Variants in TMC1 observed in about 807,000 individuals in gnomAD.
TMC1 encodes transmembrane channel like 1.
TMC1 carries 84 observed loss-of-function variants against 105.8 expected under a neutral mutation model. That is an observed-to-expected ratio of 0.79 (90% CI 0.67 to 0.95). The LOEUF (loss-of-function observed/expected upper bound fraction) is 0.95. Among genes scored for constraint, TMC1 ranks in the 40% least tolerant of loss-of-function variants. The probability of loss-of-function intolerance (pLI) is 0.00; values close to 1 mark genes in which losing one functional copy is unlikely to be tolerated. For missense variants in TMC1, 817 were observed against 914.1 expected (o/e 0.89, Z 1.37); for synonymous variants, 315 against 311.5 (o/e 1.01, Z -0.12).
intron 21 of TMC1, among the ~76,000 whole-genome samples, chr9:72,829,600 C>T (rs766262564): frequency 2.0e-5 from 3 of 152,158 alleles, no homozygotes; most frequent in Non-Finnish European, 2.9e-5. Context: ...ACTCCCATCA[C>T]TCATGTAAGA....
chr9:72,622,868 T>C (rs956962263), intron 3 of TMC1, among the ~76,000 whole-genome samples: 1 of 151,922 alleles, frequency 6.6e-6, no homozygotes, highest in African/African-American at 2.4e-5. Context: ...CTGGCCAATG[T>C]GGTGAAACCC....
At chr9:72,608,163 G>GA (rs1257653975) in intron 2 of TMC1, among the ~76,000 whole-genome samples, 5 of 151,968 alleles carry the variant, frequency 3.3e-5, no homozygotes. Context: ...AAGAAGCACA[G>GA]AAAAAAGAGA....
At chr9:72,556,966 C>T (rs1458679418) in intron 1 of TMC1, among the ~76,000 whole-genome samples, 3 of 152,256 alleles carry the variant, frequency 2.0e-5, no homozygotes, top group Middle Eastern at 3.4e-3. Flanking sequence ...GCATCTAATA[C>T]GTAGAGGCCA....
chr9:72,824,704 T>C (rs1247668891), intron 20 of TMC1, among the ~76,000 whole-genome samples: 1 of 152,150 alleles, frequency 6.6e-6, no homozygotes, highest in Non-Finnish European at 1.5e-5. Context: ...AGTGAAGGTG[T>C]CACTCAAAGG....
intron 1 of TMC1, among the ~76,000 whole-genome samples, chr9:72,525,716 G>A (rs576046558): frequency 3.7e-4 from 57 of 152,274 alleles, no homozygotes; most frequent in Middle Eastern, 3.4e-3. Flanking sequence ...GGCCAGTTGC[G>A]GTGGCTCACG....
intron 5 of TMC1, among the ~76,000 whole-genome samples, chr9:72,665,042 A>G (rs1253506478): frequency 6.6e-6 from 1 of 152,152 alleles, no homozygotes; most frequent in Non-Finnish European, 1.5e-5. Flanking sequence ...TGACTGCGCA[A>G]CAGATGAGCC....
chr9:72,603,492 G>C (rs1210556207), intron 2 of TMC1, among the ~76,000 whole-genome samples: 3 of 151,986 alleles, frequency 2.0e-5, no homozygotes, highest in Non-Finnish European at 4.4e-5. Flanking sequence ...TCTCTGTTCT[G>C]AAGGCTCATC....
chr9:72,821,176 A>G, intron 20 of TMC1, 95 bp downstream of exon 20: 1 of 1,573,488 alleles, frequency 6.4e-7, no homozygotes. Context: ...TTTCCCCCCA[A>G]ACAATGACAT....
intron 1 of TMC1, among the ~76,000 whole-genome samples, chr9:72,540,343 T>G (rs1587945655): frequency 6.6e-6 from 1 of 152,284 alleles, no homozygotes; most frequent in South Asian, 2.1e-4. Flanking sequence ...ACTATCAAAT[T>G]TTATTCCATT....
intron 18 of TMC1, among the ~76,000 whole-genome samples, chr9:72,805,756 A>G (rs1427998314): frequency 6.6e-6 from 1 of 151,852 alleles, no homozygotes; most frequent in Non-Finnish European, 1.5e-5. Context: ...CTTAAGGAGC[A>G]TGCTGCCTTC....
At chr9:72,589,082 C>T (rs1237923795) in intron 2 of TMC1, among the ~76,000 whole-genome samples, 1 of 152,128 alleles carries the variant, frequency 6.6e-6, no homozygotes, top group Non-Finnish European at 1.5e-5. Context: ...AAAAACAAGA[C>T]TTCTTTAGGT....
chr9:72,576,920 C>A (rs567467856), intron 1 of TMC1, among the ~76,000 whole-genome samples: 1 of 152,102 alleles, frequency 6.6e-6, no homozygotes, highest in African/African-American at 2.4e-5. Context: ...TGAGCCACCG[C>A]GCCCGGTGCC....
At chr9:72,818,319 T>A (rs1271815711) in intron 19 of TMC1, among the ~76,000 whole-genome samples, 1 of 152,232 alleles carries the variant, frequency 6.6e-6, no homozygotes, top group Non-Finnish European at 1.5e-5. Flanking sequence ...CATCAACATT[T>A]ATAGATAAAA....
In TMC1 at chr9:72,611,752, G is replaced by A. The variant is rs551611155; in HGVS notation, c.-305-4616G>A. On this transcript the variant is annotated intron_variant, in intron 2 of 23. Coordinates refer to ENST00000297784, the MANE Select transcript of TMC1 (RefSeq NM_138691.3). ...CAAATGAAGTTAAAAGCCAGAAGAA[G>A]GTCTTGGGTGGGATTTTCAAGCTGC... Among the ~76,000 whole-genome samples the A allele has an allele frequency of 1.3e-5, 2 of 152,164 alleles. 1 individual carries two copies. Among genetic ancestry groups the A allele is most frequent in the Admixed American group, 1.3e-4 (2 of 15,276 alleles).
chr9:72,595,352 CTT>C (rs1824701557), intron 2 of TMC1, among the ~76,000 whole-genome samples: 1 of 152,200 alleles, frequency 6.6e-6, no homozygotes, highest in Non-Finnish European at 1.5e-5. Flanking sequence ...AGTGCCCTCT[CTT>C]ATTTCACTAA....
chr9:72,568,466 T>A (rs1342858626), intron 1 of TMC1, among the ~76,000 whole-genome samples: 1 of 152,150 alleles, frequency 6.6e-6, no homozygotes, highest in Non-Finnish European at 1.5e-5. Context: ...AACGTTACAT[T>A]TATTCAACAA....
At chr9:72,621,189 C>CA (rs1825242571) in intron 3 of TMC1, among the ~76,000 whole-genome samples, 1 of 152,166 alleles carries the variant, frequency 6.6e-6, no homozygotes, top group African/African-American at 2.4e-5. Flanking sequence ...TATTGTAACA[C>CA]AGATTTAGCT....
intron 17 of TMC1, among the ~76,000 whole-genome samples, chr9:72,798,461 T>G (rs1267670154): frequency 2.6e-5 from 4 of 152,072 alleles, no homozygotes; most frequent in Admixed American, 6.5e-5. Context: ...TCAACCTAAA[T>G]GTCCATCAAT....
chr9:72,673,232 A>G (rs1195924396), intron 5 of TMC1, among the ~76,000 whole-genome samples: 2 of 152,202 alleles, frequency 1.3e-5, no homozygotes, highest in Admixed American at 6.5e-5. Flanking sequence ...TTATAATAGT[A>G]TAGACCTATA....
Sources: gnomAD v4.1 joint callset for allele counts (sites outside exome capture counted in the v4.1 genomes callset) on GRCh38, gnomAD v4.1.1 for gene constraint, MANE v1.5 for transcripts, NCBI Gene and HGNC (gene_info 2026-07-23, HGNC 2026-07-21) for gene names.